Variants in KAZN observed in about 807,000 individuals in gnomAD.
KAZN encodes kazrin, periplakin interacting protein.
KAZN carries 40 observed loss-of-function variants against 87.4 expected under a neutral mutation model. The observed-to-expected ratio is 0.46, with a 90% CI of 0.36 to 0.60. The LOEUF (loss-of-function observed/expected upper bound fraction) is 0.60. Among genes scored for constraint, KAZN ranks in the 20% least tolerant of loss-of-function variants. KAZN has a pLI of 0.00. For missense variants in KAZN, 898 were observed against 1,073.9 expected (o/e 0.84, Z 2.29); for synonymous variants, 466 against 458.3 (o/e 1.02, Z -0.22).
intron 1 of KAZN, among the ~76,000 whole-genome samples, chr1:14,795,233 T>G (rs1645794831): frequency 6.6e-6 from 1 of 152,150 alleles, no homozygotes; most frequent in Non-Finnish European, 1.5e-5. Flanking sequence ...TCCTATTACT[T>G]CTGTCCCTTT....
At chr1:14,539,275 C>T (rs1205225701) in intron 2 of KAZN, among the ~76,000 whole-genome samples, 4 of 152,148 alleles carry the variant, frequency 2.6e-5, no homozygotes, top group Admixed American at 6.5e-5. Flanking sequence ...TTTGACCAGT[C>T]GTTATTGACA....
intron 2 of KAZN, among the ~76,000 whole-genome samples, chr1:14,247,796 A>G (rs1041224447): frequency 6.6e-6 from 1 of 152,048 alleles, no homozygotes; most frequent in African/African-American, 2.4e-5. Flanking sequence ...TAAGCACTGC[A>G]GAATAACTGC....
At chr1:14,659,076 G>A (rs190455353) in intron 1 of KAZN, among the ~76,000 whole-genome samples, 1,540 of 152,016 alleles carry the variant, frequency 0.01, 26 homozygotes, top group East Asian at 0.042. Flanking sequence ...CATCTCTACT[G>A]AAAATACAAA....
At chr1:14,255,119 CAAAA>C (rs71570191) in intron 2 of KAZN, among the ~76,000 whole-genome samples, 878 of 83,758 alleles carry the variant, frequency 0.01, 13 homozygotes, top group African/African-American at 0.032. Context: ...GACTCTGTCT[CAAAA>C]AAAAAAAAAA....
At chr1:14,334,610 G>A (rs1019413491) in intron 2 of KAZN, among the ~76,000 whole-genome samples, 3 of 152,172 alleles carry the variant, frequency 2.0e-5, no homozygotes, top group Non-Finnish European at 2.9e-5. Context: ...CACCCTGCAG[G>A]AAAAGGGAAG....
chr1:14,419,256 G>A (rs1271319087), intron 2 of KAZN, among the ~76,000 whole-genome samples: 2 of 152,178 alleles, frequency 1.3e-5, no homozygotes, highest in Non-Finnish European at 2.9e-5. Context: ...CTGAAGCCCA[G>A]AGAAATTCAG....
chr1:14,563,374 T>A (rs1571941249), intron 2 of KAZN, among the ~76,000 whole-genome samples: 1 of 152,316 alleles, frequency 6.6e-6, no homozygotes, highest in African/African-American at 2.4e-5. Context: ...ACCAGTAAGA[T>A]GTATAAACCC....
At chr1:14,618,824 G>A (rs1426632624) in intron 1 of KAZN, among the ~76,000 whole-genome samples, 1 of 152,190 alleles carries the variant, frequency 6.6e-6, no homozygotes, top group Non-Finnish European at 1.5e-5. Flanking sequence ...TAAAAGTGTT[G>A]ACAAGGGACA....
chr1:13,963,516 G>A (rs971026404), intron 1 of KAZN, among the ~76,000 whole-genome samples: 1 of 151,978 alleles, frequency 6.6e-6, no homozygotes, highest in Non-Finnish European at 1.5e-5. Context: ...CTATACACTG[G>A]GCATTTTGTG....
chr1:14,944,779 TGGAA>T (rs1661540548), intron 1 of KAZN, among the ~76,000 whole-genome samples: 1 of 152,226 alleles, frequency 6.6e-6, no homozygotes, highest in Admixed American at 6.5e-5. Context: ...AGTGAGCACT[TGGAA>T]GGAGGGAAAA....
chr1:14,928,281 T>A (rs1659393914), intron 1 of KAZN, among the ~76,000 whole-genome samples: 1 of 152,004 alleles, frequency 6.6e-6, no homozygotes, highest in African/African-American at 2.4e-5. Flanking sequence ...AAACCCCGTC[T>A]CTACTAAAAA....
At chr1:14,638,654 C>G (rs1194939159) in intron 1 of KAZN, among the ~76,000 whole-genome samples, 4 of 151,932 alleles carry the variant, frequency 2.6e-5, no homozygotes, top group Admixed American at 2.0e-4. Context: ...GGGAAATGAC[C>G]GTGTATGTTT....
chr1:14,193,701 T>C (rs1646469953), intron 2 of KAZN, among the ~76,000 whole-genome samples: 1 of 149,724 alleles, frequency 6.7e-6, no homozygotes, highest in South Asian at 2.1e-4. Flanking sequence ...TTCAGTTCAA[T>C]AGTAGTGCAT....
At chr1:14,952,963 A>C (rs564702944) in intron 1 of KAZN, among the ~76,000 whole-genome samples, 4 of 151,948 alleles carry the variant, frequency 2.6e-5, no homozygotes, top group Non-Finnish European at 4.4e-5. Context: ...CAGATAAGAG[A>C]TCAGAGGTTG....
chr1:14,378,235 G>T (rs1375951238), intron 2 of KAZN, among the ~76,000 whole-genome samples: 5 of 152,134 alleles, frequency 3.3e-5, no homozygotes, highest in Non-Finnish European at 7.3e-5. Context: ...TCAGTAATGG[G>T]AGTAAACTTC....
chr1:14,782,018 A>G (rs1331048070), intron 1 of KAZN, among the ~76,000 whole-genome samples: 2 of 152,188 alleles, frequency 1.3e-5, no homozygotes, highest in African/African-American at 4.8e-5. Context: ...CCTCATCTGT[A>G]AAGTGGGCAT....
chr1:13,953,819 T>C (rs1404849352), intron 1 of KAZN, among the ~76,000 whole-genome samples: 2 of 152,148 alleles, frequency 1.3e-5, no homozygotes, highest in Non-Finnish European at 2.9e-5. Context: ...GGCCACCAGA[T>C]TGGTACCAAT....
intron 2 of KAZN, among the ~76,000 whole-genome samples, chr1:14,516,993 A>G (rs1447848242): frequency 6.6e-6 from 1 of 152,126 alleles, no homozygotes; most frequent in Non-Finnish European, 1.5e-5. Context: ...GATATAAAAC[A>G]TTGCTCTTAC....
chr1:14,962,065 C>CT (rs1663934541), intron 2 of KAZN, among the ~76,000 whole-genome samples: 2 of 152,256 alleles, frequency 1.3e-5, no homozygotes, highest in African/African-American at 4.8e-5. Context: ...AGCTAGGACT[C>CT]TAACAGGGTA....
Sources: gnomAD v4.1 joint callset for allele counts (sites outside exome capture counted in the v4.1 genomes callset) on GRCh38, gnomAD v4.1.1 for gene constraint, MANE v1.5 for transcripts, NCBI Gene and HGNC (gene_info 2026-07-23, HGNC 2026-07-21) for gene names.